Variants in SLC5A4 observed in about 807,000 individuals in gnomAD.
SLC5A4 encodes probable glucose sensor protein SLC5A4.
A neutral mutation model predicts 70.3 loss-of-function variants in SLC5A4; 55 were observed. That is an observed-to-expected ratio of 0.78 (90% CI 0.63 to 0.98). The LOEUF (loss-of-function observed/expected upper bound fraction) is 0.98. SLC5A4 is among the 50% of genes least tolerant of loss of function. SLC5A4 has a pLI of 0.00. For missense variants in SLC5A4, 735 were observed against 839.2 expected (o/e 0.88, Z 1.53); for synonymous variants, 268 against 305.7 (o/e 0.88, Z 1.29).
chr22:32,271,147 C>A, the SLC5A4 span: 1 of 667,198 alleles, frequency 1.5e-6, no homozygotes. Context: ...AGAGCCCATC[C>A]ACTGGTGCCT....
the SLC5A4 span, among the ~76,000 whole-genome samples, chr22:32,349,195 G>C: frequency 2.6e-5 from 4 of 152,058 alleles, no homozygotes; most frequent in Non-Finnish European, 4.4e-5. Context: ...GGATAGTCTC[G>C]ATCTCCTGAC....
chr22:32,284,504 G>A, the SLC5A4 span, among the ~76,000 whole-genome samples: 4 of 152,086 alleles, frequency 2.6e-5, no homozygotes, highest in African/African-American at 9.7e-5. Flanking sequence ...CTGCAAGCTG[G>A]GAGCTCAGCT....
In SLC5A4 at chr22:32,237,199, C is replaced by T. The variant is rs1166119184; in HGVS notation, c.664+45G>A. On this transcript the variant is annotated intron_variant, in intron 7 of 14. Transcript: ENST00000266086. ...AGACAGACCGAACAGAAACAAGTCC[C>T]GTGATTTCCAGGCCCTGGGCACTGC... 19 of 1,373,492 alleles carry T rather than the reference C, an allele frequency of 1.4e-5. No homozygotes were observed. In the East Asian group the frequency reaches 3.1e-4, roughly 22 times the overall value. 85.1% of individuals were successfully genotyped at this position (1,373,492 alleles called of 1,614,324 possible). A position where few individuals can be genotyped will look rare whatever the true frequency, so the allele number is the denominator to read the frequency against.
intron 2 of SLC5A4, among the ~76,000 whole-genome samples, chr22:32,253,119 C>T (rs1927269677): frequency 6.6e-6 from 1 of 152,214 alleles, no homozygotes; most frequent in Admixed American, 6.5e-5. Context: ...CTGCTTCAGT[C>T]ACCCCAGCCA....
At chr22:32,286,395 G>A in the SLC5A4 span, among the ~76,000 whole-genome samples, 3 of 152,306 alleles carry the variant, frequency 2.0e-5, no homozygotes, top group African/African-American at 2.4e-5. Flanking sequence ...GACATTCACT[G>A]CAGGGAGGCT....
chr22:32,326,261 C>A, the SLC5A4 span, among the ~76,000 whole-genome samples: 4 of 148,446 alleles, frequency 2.7e-5, no homozygotes, highest in Non-Finnish European at 5.9e-5. Context: ...GGGCTGGGAG[C>A]CTTCACGTAT....
chr22:32,286,468 G>A, the SLC5A4 span, among the ~76,000 whole-genome samples: 1 of 152,336 alleles, frequency 6.6e-6, no homozygotes, highest in Middle Eastern at 3.4e-3. Context: ...CTTTATGGAG[G>A]AAAGTTTCTT....
At chr22:32,277,633 C>T in the SLC5A4 span, among the ~76,000 whole-genome samples, 1 of 152,132 alleles carries the variant, frequency 6.6e-6, no homozygotes, top group Non-Finnish European at 1.5e-5. Flanking sequence ...CTACAACCTC[C>T]GCTTCCCGGG....
chr22:32,230,710 C>G (rs1026658011), intron 10 of SLC5A4, among the ~76,000 whole-genome samples: 5 of 152,194 alleles, frequency 3.3e-5, no homozygotes, highest in African/African-American at 4.8e-5. Flanking sequence ...ACAAATGGAT[C>G]ATTTAATTTG....
the SLC5A4 span, among the ~76,000 whole-genome samples, chr22:32,264,269 A>G: frequency 6.6e-6 from 1 of 152,096 alleles, no homozygotes; most frequent in Non-Finnish European, 1.5e-5. Context: ...ATATTAGAGA[A>G]TATAATAGAA....
intron 14 of SLC5A4, among the ~76,000 whole-genome samples, 190 bp downstream of exon 14, chr22:32,220,730 T>G (rs1373916273): frequency 6.6e-6 from 1 of 152,210 alleles, no homozygotes; most frequent in Non-Finnish European, 1.5e-5. Context: ...AACCAACCAA[T>G]GGACAGGCAG....
the SLC5A4 span, among the ~76,000 whole-genome samples, chr22:32,286,675 G>T: frequency 6.6e-6 from 1 of 152,146 alleles, no homozygotes; most frequent in East Asian, 1.9e-4. Context: ...ATGGCAGTCT[G>T]TACTATTAAT....
intron 7 of SLC5A4, among the ~76,000 whole-genome samples, chr22:32,236,849 C>G (rs774740674): frequency 6.6e-6 from 1 of 151,816 alleles, no homozygotes; most frequent in South Asian, 2.1e-4. Context: ...GGACTACAAG[C>G]GCGCGCCACC....
At chr22:32,343,697 G>T in the SLC5A4 span, among the ~76,000 whole-genome samples, 4 of 152,038 alleles carry the variant, frequency 2.6e-5, no homozygotes, top group African/African-American at 7.2e-5. Flanking sequence ...AACTTTTCAA[G>T]GCTCTGTTGA....
At chr22:32,283,103 G>T in the SLC5A4 span, among the ~76,000 whole-genome samples, 1 of 152,174 alleles carries the variant, frequency 6.6e-6, no homozygotes, top group African/African-American at 2.4e-5. Context: ...CTGGCTCCCT[G>T]CACCTTCTCT....
the SLC5A4 span, among the ~76,000 whole-genome samples, chr22:32,320,897 C>G: frequency 7.3e-6 from 1 of 136,630 alleles, no homozygotes; most frequent in Non-Finnish European, 1.6e-5. Flanking sequence ...CCGGCAACCT[C>G]TCTCTGTGTA....
chr22:32,295,792 C>A, the SLC5A4 span, among the ~76,000 whole-genome samples: 3 of 78,074 alleles, frequency 3.8e-5, 1 homozygote, highest in African/African-American at 1.5e-4. Context: ...GGTTTTAGGT[C>A]TAACGTTTAA....
chr22:32,237,131 A>G, intron 7 of SLC5A4, 113 bp downstream of exon 7: 1 of 741,748 alleles, frequency 1.3e-6, no homozygotes, highest in South Asian at 1.5e-5. Context: ...AAATGACTGG[A>G]AAGTGTGACC....
the SLC5A4 span, among the ~76,000 whole-genome samples, chr22:32,321,643 AGT>A: frequency 1.3e-5 from 2 of 152,052 alleles, no homozygotes; most frequent in Non-Finnish European, 2.9e-5. Context: ...AGTGGGCCCC[AGT>A]GTGTGTCCTT....
Sources: allele counts gnomAD v4.1 joint callset (sites outside exome capture counted in the v4.1 genomes callset), GRCh38; gene constraint gnomAD v4.1.1; transcripts MANE v1.5; gene names NCBI Gene and HGNC (gene_info 2026-07-23, HGNC 2026-07-21).